Variants in LRP2 observed in about 807,000 individuals in gnomAD.
LRP2 encodes LDL receptor related protein 2.
A neutral mutation model predicts 531.0 loss-of-function variants in LRP2; 172 were observed. That is an observed-to-expected ratio of 0.32 (90% CI 0.29 to 0.37). The LOEUF is 0.37. Among genes scored for constraint, LRP2 ranks in the 10% least tolerant of loss-of-function variants. The probability of loss-of-function intolerance (pLI) is 1.00; values close to 1 mark genes in which losing one functional copy is unlikely to be tolerated. For missense variants in LRP2, 5,167 were observed against 5,868.3 expected (o/e 0.88, Z 3.90); for synonymous variants, 1,992 against 2,027.6 (o/e 0.98, Z 0.47).
At chr2:169,299,140 AAAGAAAGAAAG>A (rs1684218347) in intron 4 of LRP2, among the ~76,000 whole-genome samples, 1 of 25,322 alleles carries the variant, frequency 3.9e-5, no homozygotes, top group Non-Finnish European at 1.2e-4. Flanking sequence ...AGAAAGAAAG[AAAGAAAGAAAG>A]AAAGAAAAAA....
intron 1 of LRP2, among the ~76,000 whole-genome samples, chr2:169,327,871 C>T (rs868546782): frequency 0.15 from 199 of 1,348 alleles, 1 homozygote; most frequent in Middle Eastern, 0.5. Context: ...CCGCCCCGTC[C>T]GGGAAGGGAG....
intron 29 of LRP2, among the ~76,000 whole-genome samples, chr2:169,234,096 T>C (rs1396425815): frequency 6.6e-6 from 1 of 152,232 alleles, no homozygotes; most frequent in African/African-American, 2.4e-5. Flanking sequence ...AACTATACAA[T>C]AGCAATTTTT....
In LRP2 at chr2:169,280,347, T is replaced by C. The variant is rs1315974560; in HGVS notation, c.1341+3A>G. The C allele has an allele frequency of 1.9e-6, 3 of 1,614,030 alleles. No individual in the cohort carries two copies. The highest frequency in any genetic ancestry group is 2.2e-5 in the East Asian group (1 of 44,898). ...CCATTCAGCTACTGAAATTTCTATT[T>C]ACCTTATTTTGCACGGTGTCTGTCC... On this transcript the variant is annotated splice_donor_region_variant and intron_variant, in intron 11 of 78. Coordinates refer to ENST00000649046, the MANE Select transcript of LRP2 (RefSeq NM_004525.3).
At chr2:169,158,061 TACACACACACACAC>T (rs61381788) in intron 63 of LRP2, among the ~76,000 whole-genome samples, 5 of 141,392 alleles carry the variant, frequency 3.5e-5, no homozygotes, top group African/African-American at 5.2e-5. Context: ...ATTGATTATA[TACACACACACACAC>T]ACACACACAC....
In LRP2 at chr2:169,267,989, T is replaced by C. The variant is rs189707207; in HGVS notation, c.2320+2915A>G. ...AATACTGTAAATACCTCTATGCAAA[T>C]AAACTAGAAAATCTAGAAGAAATAG... On this transcript the variant is annotated intron_variant, in intron 16 of 78. Coordinates refer to ENST00000649046, the MANE Select transcript of LRP2 (RefSeq NM_004525.3). 2.0e-5 allele frequency among the ~76,000 whole-genome samples: 3 copies of C among 152,216 alleles called. No individual in the cohort carries two copies. The East Asian group carries it at 5.8e-4, about 29-fold the overall frequency.
intron 28 of LRP2, among the ~76,000 whole-genome samples, chr2:169,236,293 G>A (rs1448370535): frequency 2.0e-5 from 3 of 152,090 alleles, no homozygotes; most frequent in South Asian, 2.1e-4. Flanking sequence ...CATAAAACAT[G>A]TAATACATAA....
intron 48 of LRP2, 72 bp downstream of exon 48, chr2:169,191,760 C>T: frequency 7.5e-7 from 1 of 1,339,652 alleles, no homozygotes. Context: ...CACGGGGTGC[C>T]TGATAGGTAA....
intron 13 of LRP2, among the ~76,000 whole-genome samples, chr2:169,275,522 T>C (rs1683529024): frequency 6.6e-6 from 1 of 152,228 alleles, no homozygotes; most frequent in Non-Finnish European, 1.5e-5. Context: ...TTTCCCCTTT[T>C]GTTCTTCATT....
chr2:169,337,909 C>A (rs1449296842), intron 1 of LRP2, among the ~76,000 whole-genome samples: 1 of 152,114 alleles, frequency 6.6e-6, no homozygotes, highest in East Asian at 1.9e-4. Context: ...GAGTTTGAGA[C>A]CACCCTGGGC....
intron 67 of LRP2, 83 bp downstream of exon 67, chr2:169,152,716 C>T: frequency 6.7e-7 from 1 of 1,489,750 alleles, no homozygotes; most frequent in Non-Finnish European, 9.4e-7. Flanking sequence ...CAGGCCCAGA[C>T]TCACTCATGG....
chr2:169,193,094 C>T (rs3821125), intron 47 of LRP2, among the ~76,000 whole-genome samples: 50,803 of 151,924 alleles, frequency 0.33, 9,392 homozygotes, highest in East Asian at 0.53. Flanking sequence ...CAAAGGAAAC[C>T]AGAGACAGTT....
At chr2:169,342,365 C>G (rs966836618) in intron 1 of LRP2, among the ~76,000 whole-genome samples, 1 of 151,862 alleles carries the variant, frequency 6.6e-6, no homozygotes, top group African/African-American at 2.4e-5. Flanking sequence ...CATGGTGACT[C>G]TCTCCTTTTC....
At chr2:169,135,353 T>A (rs1310989146) in intron 76 of LRP2, among the ~76,000 whole-genome samples, 1 of 152,118 alleles carries the variant, frequency 6.6e-6, no homozygotes, top group Non-Finnish European at 1.5e-5. Context: ...CTAAAATACC[T>A]CTTGGTCTGG....
chr2:169,280,224 T>C, intron 11 of LRP2, 126 bp downstream of exon 11: 3 of 1,008,362 alleles, frequency 3.0e-6, no homozygotes, highest in Non-Finnish European at 3.0e-6. Flanking sequence ...CTGATTAACA[T>C]AAAATATCTC....
At chr2:169,238,386 T>G (rs1471590815) in intron 26 of LRP2, 84 bp from the exon 27 acceptor site, 2 of 991,622 alleles carry the variant, frequency 2.0e-6, no homozygotes, top group African/African-American at 1.6e-5. Flanking sequence ...TTCAATACTT[T>G]TGGTAACAGA....
chr2:169,155,090 C>T lies in LRP2; in HGVS notation c.12152-487G>A, dbSNP rs751662765. On this transcript the variant is annotated intron_variant, in intron 65 of 78. Coordinates refer to ENST00000649046, the MANE Select transcript of LRP2 (RefSeq NM_004525.3). ...TAATCAGCTCTATGACCCAATTTAG[C>T]TCCTAGCTAATGACAAAATAAACCT... Among the ~76,000 whole-genome samples, 12 of 152,264 alleles carry T rather than the reference C, an allele frequency of 7.9e-5. 1 individual carries two copies. The Middle Eastern group carries it at 0.01, about 129-fold the overall frequency.
intron 47 of LRP2, among the ~76,000 whole-genome samples, chr2:169,192,253 C>T (rs1057413150): frequency 3.3e-5 from 5 of 152,130 alleles, no homozygotes; most frequent in Non-Finnish European, 7.4e-5. Flanking sequence ...GAAATCAATA[C>T]AATAAAATGT....
chr2:169,213,470 C>T (rs1209423507), intron 36 of LRP2, among the ~76,000 whole-genome samples, 187 bp downstream of exon 36: 2 of 152,168 alleles, frequency 1.3e-5, no homozygotes, highest in Non-Finnish European at 2.9e-5. Context: ...CTTTCAGATG[C>T]CAAATTAGCC....
At chr2:169,131,463 T>A (rs1294502959) in intron 77 of LRP2, among the ~76,000 whole-genome samples, 1 of 152,222 alleles carries the variant, frequency 6.6e-6, no homozygotes, top group Non-Finnish European at 1.5e-5. Flanking sequence ...GTTTATAGAC[T>A]ATGAAATTTG....
Sources: gnomAD v4.1 joint callset for allele counts (sites outside exome capture counted in the v4.1 genomes callset) on GRCh38, gnomAD v4.1.1 for gene constraint, MANE v1.5 for transcripts, NCBI Gene and HGNC (gene_info 2026-07-23, HGNC 2026-07-21) for gene names.